DLG2: variants seen among roughly 807,000 people sequenced by gnomAD.
The protein encoded by DLG2 is discs large MAGUK scaffold protein 2.
A neutral mutation model predicts 132.5 loss-of-function variants in DLG2; 45 were observed. The ratio of observed to expected loss-of-function variants is 0.34; its 90% CI spans 0.27 to 0.44. The LOEUF is 0.44. Ranked by LOEUF, DLG2 falls within the 20% of genes least tolerant of loss-of-function variation. The probability of loss-of-function intolerance (pLI) is 1.00; values close to 1 mark genes in which losing one functional copy is unlikely to be tolerated. For missense variants in DLG2, 1,045 were observed against 1,196.9 expected, an observed-to-expected ratio of 0.87 and a Z score of 1.87; for synonymous variants, 424 against 419.6, an observed-to-expected ratio of 1.01 and a Z score of -0.13.
intron 6 of DLG2, among the ~76,000 whole-genome samples, chr11:85,067,720 G>C (rs1314204610): frequency 6.6e-6 from 1 of 151,786 alleles, no homozygotes; most frequent in Non-Finnish European, 1.5e-5. Flanking sequence ...AGGAGGAGCT[G>C]GTACAAGGAG....
chr11:85,473,972 T>C (rs930654065), intron 3 of DLG2, among the ~76,000 whole-genome samples: 8 of 151,956 alleles, frequency 5.3e-5, no homozygotes, highest in African/African-American at 1.9e-4. Context: ...ATTCCAAATA[T>C]ATCGGTAGCC....
chr11:85,030,145 T>C (rs2060886983), intron 6 of DLG2, among the ~76,000 whole-genome samples: 1 of 152,248 alleles, frequency 6.6e-6, no homozygotes, highest in Admixed American at 6.5e-5. Context: ...TTAAATTTAA[T>C]TCAGCTAAAG....
intron 8 of DLG2, among the ~76,000 whole-genome samples, chr11:84,201,020 T>C (rs1026679196): frequency 6.6e-6 from 1 of 152,184 alleles, no homozygotes; most frequent in Non-Finnish European, 1.5e-5. Context: ...CCTTGTCTTG[T>C]GCCTGTTTTC....
intron 3 of DLG2, among the ~76,000 whole-genome samples, chr11:85,353,953 G>T (rs752805599): frequency 1.3e-5 from 2 of 151,034 alleles, no homozygotes; most frequent in Non-Finnish European, 2.9e-5. Context: ...AAATCTGCAC[G>T]TCGTGCACAT....
chr11:85,406,998 A>G (rs979826135), intron 3 of DLG2, among the ~76,000 whole-genome samples: 1 of 151,858 alleles, frequency 6.6e-6, no homozygotes, highest in Non-Finnish European at 1.5e-5. Flanking sequence ...AGAGTCATGG[A>G]GATATTGGAG....
chr11:83,718,854 G>C (rs1282758299), intron 18 of DLG2, among the ~76,000 whole-genome samples: 1 of 152,164 alleles, frequency 6.6e-6, no homozygotes, highest in Non-Finnish European at 1.5e-5. Flanking sequence ...GGGCCAGCTT[G>C]CATCTCCTAG....
chr11:85,059,351 A>G (rs1234347172), intron 6 of DLG2, among the ~76,000 whole-genome samples: 4 of 151,540 alleles, frequency 2.6e-5, no homozygotes, highest in Non-Finnish European at 5.9e-5. Context: ...GGAAAACTCT[A>G]TAAAATTTTC....
chr11:83,578,254 TAAC>T (rs1015993702), intron 19 of DLG2, among the ~76,000 whole-genome samples: 2 of 151,458 alleles, frequency 1.3e-5, no homozygotes, highest in Non-Finnish European at 2.9e-5. Flanking sequence ...ACCACTAATA[TAAC>T]AACAACATCT....
At chr11:85,513,059 G>A (rs1382477584) in intron 3 of DLG2, among the ~76,000 whole-genome samples, 1 of 152,040 alleles carries the variant, frequency 6.6e-6, no homozygotes, top group Admixed American at 6.6e-5. Flanking sequence ...GATGCAGCTG[G>A]AGGCCATTAT....
intron 3 of DLG2, among the ~76,000 whole-genome samples, chr11:85,400,175 G>GA (rs1377259700): frequency 3.9e-5 from 6 of 152,072 alleles, no homozygotes; most frequent in Admixed American, 2.6e-4. Context: ...AAAGACACAT[G>GA]AAAAAATGCT....
intron 6 of DLG2, among the ~76,000 whole-genome samples, chr11:84,645,831 C>G (rs1277869114): frequency 1.6e-4 from 25 of 152,286 alleles, no homozygotes; most frequent in Non-Finnish European, 1.2e-4. Context: ...ATTTCCCGTG[C>G]TTGATTTTAT....
At chr11:84,886,021 A>G (rs2088229820) in intron 6 of DLG2, among the ~76,000 whole-genome samples, 2 of 152,066 alleles carry the variant, frequency 1.3e-5, no homozygotes, top group Admixed American at 1.3e-4. Context: ...TAAGACAGGG[A>G]TCTTGTTTCC....
intron 16 of DLG2, among the ~76,000 whole-genome samples, chr11:83,850,928 C>T (rs7114645): frequency 0.36 from 54,623 of 151,836 alleles, 9,919 homozygotes; most frequent in East Asian, 0.42. Flanking sequence ...TGTAATCCCA[C>T]TACTTTGGGA....
At chr11:83,992,920 G>A (rs563203076) in intron 11 of DLG2, among the ~76,000 whole-genome samples, 1 of 152,256 alleles carries the variant, frequency 6.6e-6, no homozygotes, top group South Asian at 2.1e-4. Context: ...AGATGTGTTG[G>A]AATAGCTATT....
intron 13 of DLG2, among the ~76,000 whole-genome samples, chr11:83,965,122 C>T (rs2089904149): frequency 6.6e-6 from 1 of 151,986 alleles, no homozygotes; most frequent in African/African-American, 2.4e-5. Flanking sequence ...GTGGGCATGC[C>T]AACTCATTAG....
intron 11 of DLG2, among the ~76,000 whole-genome samples, chr11:84,028,147 G>A (rs2095592365): frequency 6.6e-6 from 1 of 151,178 alleles, no homozygotes; most frequent in African/African-American, 2.4e-5. Flanking sequence ...TACAATAACA[G>A]CAACAAAAAA....
intron 6 of DLG2, among the ~76,000 whole-genome samples, chr11:84,760,598 T>C (rs147725031): frequency 2.3e-4 from 35 of 152,360 alleles, no homozygotes; most frequent in African/African-American, 8.2e-4. Context: ...CCCACAACAC[T>C]GTGCACACCT....
rs139103633 is a variant in DLG2 at position 83,556,465 on chromosome 11, C to T, written c.1941-14607G>A. 8.0e-4 allele frequency among the ~76,000 whole-genome samples: 122 copies of T among 152,068 alleles called. 2 individuals are homozygous for T. Among genetic ancestry groups the T allele is most frequent in the African/African-American group, 2.6e-3 (107 of 41,462 alleles). On this transcript the variant is annotated intron_variant, in intron 19 of 27. Coordinates refer to ENST00000376104, the MANE Select transcript of DLG2 (RefSeq NM_001142699.3). ...GTGACTCACTGCAACCTCCACCTCC[C>T]GGGTTCAAGTGATCCTCCCATCTCA...
At chr11:85,222,777 T>C (rs1003136850) in intron 4 of DLG2, among the ~76,000 whole-genome samples, 2 of 152,252 alleles carry the variant, frequency 1.3e-5, no homozygotes, top group East Asian at 1.9e-4. Flanking sequence ...CAGCTTTCAT[T>C]GTACCACATT....
Sources: allele counts gnomAD v4.1 joint callset (sites outside exome capture counted in the v4.1 genomes callset), GRCh38; gene constraint gnomAD v4.1.1; transcripts MANE v1.5; gene names NCBI Gene and HGNC (gene_info 2026-07-23, HGNC 2026-07-21).